The following OSER1 variants were observed in gnomAD, a reference collection of about 807,000 sequenced individuals.
OSER1 encodes the protein oxidative stress responsive serine rich 1.
Under a neutral mutation model 26.3 loss-of-function variants are expected in OSER1, and 15 were observed. That is an observed-to-expected ratio of 0.57 (90% CI 0.38 to 0.88). The LOEUF (loss-of-function observed/expected upper bound fraction) is 0.88. OSER1 is among the 40% of genes least tolerant of loss of function. The probability of loss-of-function intolerance (pLI) is 0.00; values close to 1 mark genes in which losing one functional copy is unlikely to be tolerated. For synonymous variants in OSER1, 127 were observed against 128.2 expected (o/e 0.99, Z 0.07); for missense variants, 313 against 353.9 (o/e 0.88, Z 0.93).
At position 44,196,294 on chromosome 20, in the gene OSER1, C is replaced by CAAAA. The variant is rs56251501; in HGVS notation, c.*754_*757dup. Among the ~76,000 whole-genome samples, 1 of 100,450 alleles carries CAAAA rather than the reference C, an allele frequency of 1.0e-5. No individual in the cohort carries two copies. The highest frequency in any genetic ancestry group is 2.0e-5 in the Non-Finnish European group (1 of 51,180). 65.9% of individuals were successfully genotyped at this position (100,450 alleles called of 152,430 possible). A position where few individuals can be genotyped will look rare whatever the true frequency, so the allele number is the denominator to read the frequency against. Reference sequence around the variant, plus strand: ...ATGAGACCTGTATTACAACTGATAACAAAAAAAAAAAAAAAAAACCGCCAT... The same window carrying CAAAA: ...ATGAGACCTGTATTACAACTGATAACAAAAAAAAAAAAAAAAAAAAAACCGCCAT... On this transcript the variant is annotated 3_prime_UTR_variant, in exon 4 of 4. Coordinates refer to ENST00000255174, the MANE Select transcript of OSER1 (RefSeq NM_016470.8).
chr20:44,207,696 G>GAA (rs1251192856), intron 1 of OSER1: 3 of 152,040 alleles, frequency 2.0e-5, no homozygotes, highest in Admixed American at 6.6e-5. Context: ...AAAAAGAAAA[G>GAA]AAAACAAACA....
At chr20:44,207,455 C>G (rs2073049223) in intron 1 of OSER1, 1 of 155,116 alleles carries the variant, frequency 6.4e-6, no homozygotes, top group Admixed American at 6.3e-5. Flanking sequence ...TAGCATTTCT[C>G]TAGAGCAGTC....
intron 2 of OSER1, among the ~76,000 whole-genome samples, chr20:44,205,767 C>T (rs1181117244): frequency 2.0e-5 from 3 of 151,820 alleles, no homozygotes; most frequent in African/African-American, 2.4e-5. Context: ...AGTGAAACCC[C>T]GTCTCTACTA....
At chr20:44,198,227 G>C in intron 3 of OSER1, among the ~76,000 whole-genome samples, 1 of 152,194 alleles carries the variant, frequency 6.6e-6, no homozygotes, top group African/African-American at 2.4e-5. Context: ...ATTGGTAACA[G>C]CCAATCAATC....
rs555859885 is a variant in OSER1, at chr20:44,203,168, A to AT, written c.78-95dup. ...GCTCAAATACAACTTTTATCAATAC[A>AT]TTTTTTTTTCTAGTTTGGGTTTCTC... On this transcript the variant is annotated intron_variant, in intron 2 of 3. Coordinates refer to ENST00000255174, the MANE Select transcript of OSER1 (RefSeq NM_016470.8). 2,086 of 587,956 alleles carry AT rather than the reference A, an allele frequency of 3.5e-3. 9 individuals are homozygous for AT. The highest frequency in any genetic ancestry group is 0.024 in the African/African-American group (1,252 of 52,862). 36.4% of individuals were successfully genotyped at this position (587,956 alleles called of 1,614,324 possible).
intron 1 of OSER1, among the ~76,000 whole-genome samples, chr20:44,210,357 C>T (rs1569245624): frequency 6.6e-6 from 1 of 151,976 alleles, no homozygotes; most frequent in East Asian, 1.9e-4. Flanking sequence ...GGCTCCGAGG[C>T]GAGAGAGAAA....
At chr20:44,203,185 G>T in intron 2 of OSER1, 111 bp from the exon 3 acceptor site, 1 of 567,680 alleles carries the variant, frequency 1.8e-6, no homozygotes, top group Non-Finnish European at 3.1e-6. Flanking sequence ...TTTCTAGTTT[G>T]GGTTTCTCAA....
intron 2 of OSER1, among the ~76,000 whole-genome samples, chr20:44,204,541 T>C (rs2145932345): frequency 6.6e-6 from 1 of 152,338 alleles, no homozygotes; most frequent in South Asian, 2.1e-4. Flanking sequence ...ATTTCAGCTT[T>C]TACTTTAGAT....
chr20:44,199,363 C>G (rs914045981), intron 3 of OSER1, among the ~76,000 whole-genome samples: 2 of 152,290 alleles, frequency 1.3e-5, no homozygotes, highest in Admixed American at 1.3e-4. Context: ...TTCTCACGAG[C>G]CCCCTTGCCA....
intron 3 of OSER1, among the ~76,000 whole-genome samples, chr20:44,202,305 G>A (rs1345008491): frequency 1.3e-5 from 2 of 152,140 alleles, no homozygotes; most frequent in East Asian, 1.9e-4. Flanking sequence ...AACCGGGGAG[G>A]CGGAGGGTGC....
intron 3 of OSER1, among the ~76,000 whole-genome samples, chr20:44,200,654 A>G (rs2072971941): frequency 6.6e-6 from 1 of 152,232 alleles, no homozygotes; most frequent in Non-Finnish European, 1.5e-5. Flanking sequence ...ACAGAGGACA[A>G]GTGATTTTTA....
chr20:44,208,405 CA>C (rs1354993166), intron 1 of OSER1, among the ~76,000 whole-genome samples: 1 of 128,792 alleles, frequency 7.8e-6, no homozygotes, highest in African/African-American at 3.4e-5. Flanking sequence ...AAAACAGTCT[CA>C]AAAGAATTCA....
intron 2 of OSER1, among the ~76,000 whole-genome samples, chr20:44,206,652 A>G (rs921611962): frequency 3.9e-5 from 6 of 152,154 alleles, no homozygotes; most frequent in Non-Finnish European, 8.8e-5. Flanking sequence ...AAACCAAAAC[A>G]CCCAACCTGG....
Position 44,202,963 on chromosome 20 carries a change from G to T in OSER1, c.189C>A (p.His63Gln). 1 of 1,566,096 alleles carries T rather than the reference G, an allele frequency of 6.4e-7. No individual in the cohort carries two copies. The highest frequency in any genetic ancestry group is 8.8e-7 in the Non-Finnish European group (1 of 1,136,642). Residue 63 changes from histidine (H) to glutamine (Q), a missense_variant and splice_region_variant, in exon 3 of 4, where the codon CAC (histidine) becomes CAA (glutamine). His to Gln is a conservative substitution (Grantham distance 24). Around this residue, in one of 2 missense-constraint regions of OSER1, gnomAD observed 300 missense variants for 318.3 expected, o/e 0.94. Coordinates refer to ENST00000255174, the MANE Select transcript of OSER1 (RefSeq NM_016470.8). ...TCATCTCAATAAGAAGCTCTTACCC[G>T]TGCCAACTGTCTTTAGATGCACATG... ...KTTCASKDSW[H>Q]GSTRKSSRGA...
At chr20:44,208,853 C>G (rs868540728) in intron 1 of OSER1, among the ~76,000 whole-genome samples, 18 of 152,214 alleles carry the variant, frequency 1.2e-4, no homozygotes, top group Non-Finnish European at 2.6e-4. Flanking sequence ...AGACCGCCCC[C>G]CAAGTCCTCT....
chr20:44,197,147 C>T lies in OSER1; in HGVS notation c.784G>A (p.Asp262Asn). ...GACAGGTCCTCAATGGTCACATCAT[C>T]CACGAAGACTCGAGCTTGCTCAGAA... ...SCSEQARVFV[D>N]DVTIEDLSGY... The change falls in exon 4 of 4, where the codon GAT becomes AAT. Residue 262 changes from aspartate to asparagine, a missense_variant. By Grantham distance (23) the Asp-to-Asn change is conservative. Around this residue, in one of 2 missense-constraint regions of OSER1, gnomAD observed 300 missense variants for 318.3 expected, o/e 0.94. Transcript: ENST00000255174. The T allele has an allele frequency of 6.2e-7, 1 of 1,614,100 alleles. No homozygotes were observed. The highest frequency in any genetic ancestry group is 1.1e-5 in the South Asian group (1 of 91,088).
chr20:44,208,655 A>C (rs1170532555), intron 1 of OSER1, among the ~76,000 whole-genome samples: 1 of 152,316 alleles, frequency 6.6e-6, no homozygotes, highest in South Asian at 2.1e-4. Flanking sequence ...GCAATCACTT[A>C]TTTCAATATT....
At chr20:44,204,083 C>T (rs1005070431) in intron 2 of OSER1, among the ~76,000 whole-genome samples, 27 of 152,070 alleles carry the variant, frequency 1.8e-4, no homozygotes, top group African/African-American at 4.1e-4. Flanking sequence ...ACAGTGGTTA[C>T]GGTAAACTGT....
chr20:44,207,496 C>T (rs1216824976), intron 1 of OSER1: 1 of 152,410 alleles, frequency 6.6e-6, no homozygotes, highest in Non-Finnish European at 1.5e-5. Flanking sequence ...CACAGGAAGA[C>T]ACGTTTTAGA....
Sources: allele counts gnomAD v4.1 joint callset (sites outside exome capture counted in the v4.1 genomes callset), GRCh38; gene constraint gnomAD v4.1.1; regional missense constraint gnomAD v4.1.1; transcripts MANE v1.5; gene names NCBI Gene and HGNC (gene_info 2026-07-23, HGNC 2026-07-21).